The following CCDC102B variants were observed in gnomAD, a reference collection of about 807,000 sequenced individuals.
The protein encoded by CCDC102B is coiled-coil domain containing 102B, also known as coiled-coil domain-containing protein 102B.
Under a neutral mutation model 57.4 loss-of-function variants are expected in CCDC102B, and 75 were observed. That is an observed-to-expected ratio of 1.31 (90% CI 1.08 to 1.58). CCDC102B has a LOEUF of 1.58. Among genes scored for constraint, CCDC102B ranks in the 40% most tolerant of loss-of-function variants. The pLI, the probability that CCDC102B is intolerant of heterozygous loss-of-function variation, is 0.00. For missense variants in CCDC102B, 636 were observed against 582.6 expected, an observed-to-expected ratio of 1.09 and a Z score of -0.94; for synonymous variants, 206 against 201.9, an observed-to-expected ratio of 1.02 and a Z score of -0.17.
intron 6 of CCDC102B, among the ~76,000 whole-genome samples, chr18:69,003,145 G>A (rs543254521): frequency 2.0e-5 from 3 of 151,492 alleles, no homozygotes; most frequent in East Asian, 1.9e-4. Flanking sequence ...ATATAACTCC[G>A]GAACATGATA....
At chr18:68,996,184 C>A (rs563318194) in intron 6 of CCDC102B, among the ~76,000 whole-genome samples, 1 of 152,120 alleles carries the variant, frequency 6.6e-6, no homozygotes, top group African/African-American at 2.4e-5. Flanking sequence ...TGGGCATCAT[C>A]TAATCATCTA....
At chr18:69,046,370 T>A (rs779086540) in intron 7 of CCDC102B, among the ~76,000 whole-genome samples, 2 of 152,186 alleles carry the variant, frequency 1.3e-5, no homozygotes, top group South Asian at 2.1e-4. Context: ...TTTTATAATA[T>A]GCTTATTGGA....
chr18:69,031,091 C>T (rs73967768), intron 7 of CCDC102B, among the ~76,000 whole-genome samples: 4,189 of 152,252 alleles, frequency 0.028, 203 homozygotes, highest in African/African-American at 0.093. Context: ...GCTTCATTAA[C>T]AAAGAAGAGG....
At chr18:68,920,176 C>G (rs1443534414) in intron 6 of CCDC102B, among the ~76,000 whole-genome samples, 1 of 152,022 alleles carries the variant, frequency 6.6e-6, no homozygotes, top group East Asian at 1.9e-4. Context: ...TCCATGTGTT[C>G]TCATCATTTA....
At chr18:68,895,103 A>G (rs2040199138) in intron 5 of CCDC102B, among the ~76,000 whole-genome samples, 1 of 151,860 alleles carries the variant, frequency 6.6e-6, no homozygotes, top group African/African-American at 2.4e-5. Flanking sequence ...AATGATAGAA[A>G]CTTTAAGTAT....
chr18:68,962,920 C>T (rs943162005), intron 6 of CCDC102B, among the ~76,000 whole-genome samples: 4 of 151,994 alleles, frequency 2.6e-5, no homozygotes, highest in African/African-American at 9.7e-5. Context: ...TCCAATTACA[C>T]TTAGGGAATC....
In CCDC102B at chr18:68,805,796, T is replaced by A. The variant is rs76994105; in HGVS notation, c.-16+7615T>A. ...TGTTGTAACGACACTATATATGAAA[T>A]ACTTTGGACATGAAAATTTTTCTTG... On this transcript the variant is annotated intron_variant, in intron 1 of 7. Transcript: ENST00000360242. 7.4e-3 allele frequency among the ~76,000 whole-genome samples: 1,133 copies of A among 152,236 alleles called. 6 individuals carry two copies. The highest frequency in any genetic ancestry group is 0.025 in the South Asian group (123 of 4,824).
rs1454996762 is a variant in CCDC102B at position 68,860,874 on chromosome 18, T to G, written c.937-13795T>G. 2.0e-5 allele frequency among the ~76,000 whole-genome samples: 3 copies of G among 146,762 alleles called. No individual in the cohort carries two copies. In the East Asian group the frequency reaches 6.0e-4, roughly 29 times the overall value. ...ATATAAGGTTAGGAAGGTAGGAATTTTTTTCCATTTTGTTCACTGCTGTGT... is the reference window on the plus strand; with the variant it reads ...ATATAAGGTTAGGAAGGTAGGAATTGTTTTCCATTTTGTTCACTGCTGTGT... On this transcript the variant is annotated intron_variant, in intron 4 of 7. Coordinates refer to ENST00000360242, the MANE Select transcript of CCDC102B (RefSeq NM_024781.3).
At chr18:68,835,969 A>T (rs1313227120) in intron 1 of CCDC102B, among the ~76,000 whole-genome samples, 1 of 152,188 alleles carries the variant, frequency 6.6e-6, no homozygotes, top group African/African-American at 2.4e-5. Context: ...GGCATCATGG[A>T]AAATGTAGAC....
At chr18:68,926,034 C>T (rs1358068864) in intron 6 of CCDC102B, among the ~76,000 whole-genome samples, 1 of 151,710 alleles carries the variant, frequency 6.6e-6, no homozygotes, top group African/African-American at 2.4e-5. Flanking sequence ...AATAAATTAG[C>T]AAAATATTAA....
intron 2 of CCDC102B, among the ~76,000 whole-genome samples, chr18:68,783,423 T>G (rs527921308): frequency 6.6e-6 from 1 of 152,190 alleles, no homozygotes; most frequent in Non-Finnish European, 1.5e-5. Flanking sequence ...CAAATGTCAC[T>G]TCTTCCAGCA....
chr18:68,960,526 G>A (rs899677228), intron 6 of CCDC102B, among the ~76,000 whole-genome samples: 8 of 152,126 alleles, frequency 5.3e-5, no homozygotes, highest in African/African-American at 1.4e-4. Flanking sequence ...GGCGTTTCAC[G>A]GAGTGGTGTG....
At chr18:68,730,604 G>A (rs746170205) in intron 2 of CCDC102B, among the ~76,000 whole-genome samples, 2 of 152,110 alleles carry the variant, frequency 1.3e-5, no homozygotes, top group Non-Finnish European at 2.9e-5. Context: ...CTTATGATCT[G>A]TTATCATCTT....
At chr18:68,737,490 A>T (rs532520734) in intron 2 of CCDC102B, among the ~76,000 whole-genome samples, 1 of 150,580 alleles carries the variant, frequency 6.6e-6, no homozygotes. Flanking sequence ...TGGTGTGTGT[A>T]TGTGTGTGTG....
At position 68,897,713 on chromosome 18, in the gene CCDC102B, T is replaced by A; in HGVS notation, c.1263+285T>A. The stretch of plus-strand genomic sequence containing the variant: ...AAATAGAACTTTCTGGTTTTTTGTT[T>A]CTTATTAAAGCTTTGTCTCAGTATT... On this transcript the variant is annotated intron_variant, in intron 6 of 7. Coordinates refer to ENST00000360242, the MANE Select transcript of CCDC102B (RefSeq NM_024781.3). The A allele has an allele frequency of 2.7e-6, 3 of 1,111,274 alleles. No individual in the cohort carries two copies. In the South Asian group the frequency reaches 4.1e-5, roughly 15 times the overall value. 68.8% of individuals were successfully genotyped at this position (1,111,274 alleles called of 1,614,324 possible).
intron 7 of CCDC102B, among the ~76,000 whole-genome samples, chr18:69,039,676 T>C (rs889907961): frequency 8.6e-5 from 13 of 151,952 alleles, no homozygotes; most frequent in African/African-American, 3.1e-4. Flanking sequence ...TGCATGATTA[T>C]ATATTTGCTC....
intron 2 of CCDC102B, among the ~76,000 whole-genome samples, chr18:68,785,015 C>T (rs2035148434): frequency 7.9e-6 from 1 of 126,276 alleles, no homozygotes; most frequent in African/African-American, 3.0e-5. Context: ...GTGTGATATT[C>T]CCCTTCCTGT....
At chr18:69,031,838 A>C (rs1481916193) in intron 7 of CCDC102B, among the ~76,000 whole-genome samples, 1 of 152,176 alleles carries the variant, frequency 6.6e-6, no homozygotes, top group Non-Finnish European at 1.5e-5. Context: ...CATGCAAAAG[A>C]GTTACCAAAT....
At chr18:68,796,847 G>A (rs201432735), upstream of CCDC102B, among the ~76,000 whole-genome samples, 319 of 37,650 alleles carry the variant, frequency 8.5e-3, no homozygotes, top group Non-Finnish European at 0.02. Context: ...ACATGCATGT[G>A]TGTGTGTGTG....
Sources: allele counts gnomAD v4.1 joint callset (sites outside exome capture counted in the v4.1 genomes callset), GRCh38; gene constraint gnomAD v4.1.1; transcripts MANE v1.5; gene names NCBI Gene and HGNC (gene_info 2026-07-23, HGNC 2026-07-21).